GNAS: variants seen among roughly 807,000 people sequenced by gnomAD.
The protein encoded by GNAS is protein ALEX.
In GNAS, 8 loss-of-function variants were observed where a neutral mutation model predicts 54.5. That is an observed-to-expected ratio of 0.15 (90% confidence interval 0.09 to 0.26). GNAS has a LOEUF of 0.26. GNAS is among the 10% of genes least tolerant of loss of function. The pLI is 1.00. For missense variants in GNAS, 170 were observed against 529.8 expected, an observed-to-expected ratio of 0.32 and a Z score of 6.67; for synonymous variants, 204 against 191.4, an observed-to-expected ratio of 1.07 and a Z score of -0.54.
At chr20:58,899,769 C>G (rs996838131) in intron 3 of GNAS, among the ~76,000 whole-genome samples, 1 of 152,126 alleles carries the variant, frequency 6.6e-6, no homozygotes, top group South Asian at 2.1e-4. Flanking sequence ...CACTCTAGCT[C>G]TGCTGTGTAT....
rs1600709504 is a variant in GNAS at position 58,854,183 on chromosome 20, AC to A, written c.43+13302del. ...GCAGCCCCTGGATGGAGATCTCCGG[AC>A]CCCCGTTCGAGATTGGCAGCGCCCC... On this transcript the variant is annotated intron_variant, in intron 1 of 12. Transcript: ENST00000306090. The A allele has an allele frequency of 5.0e-6, 8 of 1,612,518 alleles. No individual in the cohort carries two copies. Among genetic ancestry groups the A allele is most frequent in the Non-Finnish European group, 6.8e-6 (8 of 1,179,764 alleles).
At chr20:58,905,515 A>G (rs1299688140) in intron 6 of GNAS, 35 bp downstream of exon 6, 1 of 1,047,296 alleles carries the variant, frequency 9.5e-7, no homozygotes, top group Non-Finnish European at 1.5e-6. Context: ...CAGCACATAA[A>G]ACAGACAAAA....
chr20:58,839,939 A>C, upstream of GNAS: 1 of 666,236 alleles, frequency 1.5e-6, no homozygotes, highest in Non-Finnish European at 2.6e-6. Context: ...GTGGTCAGGA[A>C]GGTAGGTGCT....
rs201115993 is a variant in GNAS, at chr20:58,910,857, C to A, written c.*28C>A. ...AGGGAACCCCCAAATTTAATTAAAG[C>A]CTTAAGCACAATTAATTAAAAGTGA... On this transcript the variant is annotated 3_prime_UTR_variant, in exon 13 of 13. Coordinates refer to ENST00000371085, the MANE Select transcript of GNAS (RefSeq NM_000516.7). The surrounding 1 kb of genome is among the most constrained non-coding windows in gnomAD (Gnocchi z 5.8). 3.7e-6 allele frequency: 6 copies of A among 1,602,316 alleles called. No individual in the cohort carries two copies. The highest frequency in any genetic ancestry group is 5.1e-6 in the Non-Finnish European group (6 of 1,169,402).
upstream of GNAS, among the ~76,000 whole-genome samples, chr20:58,886,568 A>G (rs374289927): frequency 6.6e-6 from 1 of 152,202 alleles, no homozygotes; most frequent in East Asian, 1.9e-4. Flanking sequence ...CTTTCAAAGC[A>G]TAAACTAGGT....
upstream of GNAS, chr20:58,890,926 T>C (rs960067908): frequency 1.3e-5 from 2 of 151,668 alleles, no homozygotes; most frequent in African/African-American, 4.8e-5. Flanking sequence ...CTTTCGAAAA[T>C]TTTCCTAAGT....
At chr20:58,854,930 C>T in intron 1 of GNAS, 2 of 1,602,000 alleles carry the variant, frequency 1.2e-6, no homozygotes, top group East Asian at 2.3e-5. Context: ...GGGGCAAGTC[C>T]GAGAGCAGCC....
Position 58,841,811 on chromosome 20 carries a change from A to T in GNAS, c.43+925A>T. 3 of 1,230,874 alleles carry T rather than the reference A, an allele frequency of 2.4e-6. No homozygotes were observed. Among genetic ancestry groups the T allele is most frequent in the Non-Finnish European group, 3.0e-6 (3 of 987,954 alleles). The allele number at this position is 1,230,874 out of a possible 1,614,324, so 76.2% of individuals were successfully genotyped here. ...GTGGCCAGGCTGCATGCGGCTTAGC[A>T]GGAGACGTCCTGGGCTGTTTGCGCA... On this transcript the variant is annotated intron_variant, in intron 1 of 12. Transcript: ENST00000306090. The surrounding 1 kb of genome is among the most constrained non-coding windows in gnomAD (Gnocchi z 5.0).
intron 1 of GNAS, chr20:58,854,716 C>T: frequency 1.3e-6 from 2 of 1,533,556 alleles, no homozygotes; most frequent in Non-Finnish European, 1.7e-6. Flanking sequence ...GAGACCCGGG[C>T]AGCCCATGTC....
At chr20:58,850,207 G>C (rs2086102364) in intron 1 of GNAS, among the ~76,000 whole-genome samples, 1 of 152,164 alleles carries the variant, frequency 6.6e-6, no homozygotes, top group Non-Finnish European at 1.5e-5. Flanking sequence ...TCTCCAGCAA[G>C]ACTTTCAAGG....
chr20:58,841,466 G>C lies in GNAS; in HGVS notation c.43+580G>C. 1.3e-5 allele frequency: 13 copies of C among 992,126 alleles called. No individual in the cohort carries two copies. The highest frequency in any genetic ancestry group is 1.6e-5 in the Non-Finnish European group (13 of 834,326). The allele number at this position is 992,126 out of a possible 1,614,324, so 61.5% of individuals were successfully genotyped here. ...GCGCGCGCGGCGCCTAAGCAGCTCA[G>C]AGCCGGAGCCCAGGTCCCAGAGCTG... is the stretch of plus-strand genomic sequence containing the variant. On this transcript the variant is annotated intron_variant, in intron 1 of 12. Coordinates refer to the GNAS transcript ENST00000306090. This position sits in a 1 kb window ranked among gnomAD's most constrained non-coding sequence, Gnocchi z 5.0.
intron 1 of GNAS, among the ~76,000 whole-genome samples, chr20:58,858,529 G>A (rs574282087): frequency 1.3e-5 from 2 of 152,254 alleles, no homozygotes; most frequent in African/African-American, 4.8e-5. Flanking sequence ...TAATTTTGGT[G>A]GCTTAAACAT....
chr20:58,894,108 C>T (rs1488585133), intron 1 of GNAS, among the ~76,000 whole-genome samples: 2 of 152,338 alleles, frequency 1.3e-5, no homozygotes, highest in East Asian at 1.9e-4. Context: ...CTTTTTACTC[C>T]ATCTTAATGA....
At chr20:58,891,399 C>G (rs1018954668), upstream of GNAS, 1 of 247,014 alleles carries the variant, frequency 4.0e-6, no homozygotes, top group Non-Finnish European at 6.3e-6. Flanking sequence ...GCAATAAGAG[C>G]GGCGGCGGCG....
intron 1 of GNAS, among the ~76,000 whole-genome samples, chr20:58,883,530 G>C (rs758726293): frequency 2.0e-5 from 3 of 152,048 alleles, no homozygotes; most frequent in East Asian, 1.9e-4. Flanking sequence ...TTGCCGCTTG[G>C]GCTGAATAAT....
At chr20:58,872,185 C>T (rs78530790) in intron 1 of GNAS, among the ~76,000 whole-genome samples, 1,719 of 152,316 alleles carry the variant, frequency 0.011, 20 homozygotes, top group Middle Eastern at 0.027. Flanking sequence ...GTGTTTACCT[C>T]CTGATTCTAA....
chr20:58,895,579 C>T (rs768121907), intron 1 of GNAS, 33 bp from the exon 2 acceptor site: 43 of 1,388,344 alleles, frequency 3.1e-5, no homozygotes, highest in Non-Finnish European at 4.2e-5. Flanking sequence ...AAAATGCCTC[C>T]TTCATAACCT....
chr20:58,847,078 C>T (rs1403781774), intron 1 of GNAS, among the ~76,000 whole-genome samples: 1 of 152,228 alleles, frequency 6.6e-6, no homozygotes. Flanking sequence ...TGTTCAAGCA[C>T]AGGTGGTCAG....
At chr20:58,876,034 G>A (rs148515911) in intron 1 of GNAS, among the ~76,000 whole-genome samples, 62 of 152,216 alleles carry the variant, frequency 4.1e-4, no homozygotes, top group Admixed American at 2.8e-3. Flanking sequence ...GCTTAGTGGC[G>A]CTTGGGTTGA....
Sources: gnomAD v4.1 joint callset for allele counts (sites outside exome capture counted in the v4.1 genomes callset) on GRCh38, gnomAD v4.1.1 for gene constraint, Gnocchi (gnomAD v3.1) non-coding constraint, MANE v1.5 for transcripts, NCBI Gene and HGNC (gene_info 2026-07-23, HGNC 2026-07-21) for gene names.